CCDC88B: variants seen among roughly 807,000 people sequenced by gnomAD.
The protein encoded by CCDC88B is coiled-coil domain-containing protein 88B.
Under a neutral mutation model 183.7 loss-of-function variants are expected in CCDC88B, and 138 were observed. That is an observed-to-expected ratio of 0.75 (90% CI 0.65 to 0.87). The LOEUF is 0.87. Ranked by LOEUF, CCDC88B falls within the 40% of genes least tolerant of loss-of-function variation. CCDC88B has a pLI of 0.00. For synonymous variants in CCDC88B, 835 were observed against 867.5 expected (o/e 0.96, Z 0.66); for missense variants, 1,822 against 1,965.6 (o/e 0.93, Z 1.38).
chr11:64,353,688 C>T, intron 22 of CCDC88B, 27 bp from the exon 23 acceptor site: 1 of 1,612,730 alleles, frequency 6.2e-7, no homozygotes, highest in African/African-American at 1.3e-5. Flanking sequence ...GGCCTCACAC[C>T]CACCTCTCCC....
chr11:64,343,392 G>A (rs1284337067), intron 11 of CCDC88B, 67 bp downstream of exon 11: 1 of 1,540,182 alleles, frequency 6.5e-7, no homozygotes, highest in Non-Finnish European at 8.8e-7. Flanking sequence ...ATTCCCTAGT[G>A]GTCCCTAGTG....
At position 64,351,345 on chromosome 11, in the gene CCDC88B, G is replaced by A. The variant is rs537755025; in HGVS notation, c.2958+90G>A. ...TGGACCCTGGGCTGGGGGGTATCCC[G>A]TGCAGTGTGAGTGTGGACTCACAGT... is the stretch of plus-strand genomic sequence containing the variant. On this transcript the variant is annotated intron_variant, in intron 17 of 26. Transcript: ENST00000356786. The A allele has an allele frequency of 1.0e-4, 152 of 1,510,428 alleles. No individual in the cohort carries two copies. In the African/African-American group the frequency reaches 1.7e-3, roughly 17 times the overall value. 93.6% of individuals were successfully genotyped at this position (1,510,428 alleles called of 1,614,324 possible).
At chr11:64,349,881 A>C in intron 16 of CCDC88B, 1 of 598,302 alleles carries the variant, frequency 1.7e-6, no homozygotes, top group Non-Finnish European at 3.0e-6. Context: ...CCCATTCTGC[A>C]CATGGACAGA....
At chr11:64,348,456 G>A (rs540336625) in intron 14 of CCDC88B, among the ~76,000 whole-genome samples, 1 of 152,132 alleles carries the variant, frequency 6.6e-6, no homozygotes, top group African/African-American at 2.4e-5. Flanking sequence ...TCTATTCACC[G>A]TGCCTCCTAC....
At chr11:64,341,211 C>T (rs1008150967) in intron 4 of CCDC88B, 33 bp downstream of exon 4, 22 of 1,613,880 alleles carry the variant, frequency 1.4e-5, no homozygotes, top group African/African-American at 2.7e-5. Context: ...CCTGCCTCTG[C>T]CCCCGCACTA....
At chr11:64,356,038 T>C (rs2036536722) in intron 26 of CCDC88B, 1 of 149,202 alleles carries the variant, frequency 6.7e-6, no homozygotes, top group Non-Finnish European at 1.5e-5. Flanking sequence ...TTTTTTGAGA[T>C]GGAATTTCAC....
intron 4 of CCDC88B, 46 bp downstream of exon 4, chr11:64,341,224 C>G: frequency 6.2e-7 from 1 of 1,614,092 alleles, no homozygotes; most frequent in Non-Finnish European, 8.5e-7. Flanking sequence ...CCGCACTACT[C>G]TACCTTCCCC....
chr11:64,355,198 C>G lies in CCDC88B; in HGVS notation c.4104C>G (p.Ser1368=). The G allele has an allele frequency of 6.7e-7, 1 of 1,487,554 alleles. No individual in the cohort carries two copies. The allele number at this position is 1,487,554 out of a possible 1,614,324, so 92.1% of individuals were successfully genotyped here. ...CCCTGCATGTACCTCTTGCAGGGTC[C>G]CCTTCCCCGGCACCCATGCGCCGGG... ...PEGREADGTG[S]PSPAPMRRAQ... The change falls in exon 25 of 27, where the codon TCC becomes TCG. Residue 1368 remains serine, a synonymous_variant. Coordinates refer to ENST00000356786, the MANE Select transcript of CCDC88B (RefSeq NM_032251.6).
At chr11:64,348,731 G>A in intron 14 of CCDC88B, 1 of 451,354 alleles carries the variant, frequency 2.2e-6, no homozygotes, top group Non-Finnish European at 3.9e-6. Flanking sequence ...GTGGCAGAAT[G>A]GTTTGGTCTC....
At chr11:64,348,347 T>C (rs2036197083) in intron 14 of CCDC88B, among the ~76,000 whole-genome samples, 1 of 139,206 alleles carries the variant, frequency 7.2e-6, no homozygotes, top group Non-Finnish European at 1.5e-5. Context: ...TCTCAGGTTG[T>C]CCACTGGGTG....
intron 14 of CCDC88B, 21 bp downstream of exon 14, chr11:64,345,178 C>T (rs1287582664): frequency 2.0e-6 from 3 of 1,534,144 alleles, no homozygotes; most frequent in Non-Finnish European, 1.7e-6. Context: ...TTGGGGCTCA[C>T]CGCTGGGGTT....
intron 16 of CCDC88B, 145 bp downstream of exon 16, chr11:64,349,813 AG>A: frequency 1.4e-6 from 1 of 728,942 alleles, no homozygotes; most frequent in South Asian, 1.7e-5. Context: ...GGCCTGTTGG[AG>A]AGAGCACTGT....
At chr11:64,353,883 C>G (rs2036440111) in intron 23 of CCDC88B, 70 bp downstream of exon 23, 2 of 1,595,638 alleles carry the variant, frequency 1.3e-6, no homozygotes, top group South Asian at 2.2e-5. Context: ...GGCCTCTGAC[C>G]CCAGGCCCAG....
In CCDC88B at chr11:64,348,694, G is replaced by A. The variant is rs1037582634; in HGVS notation, c.2617-637G>A. The A allele has an allele frequency of 1.9e-5, 8 of 410,644 alleles. No homozygotes were observed. The South Asian group carries it at 2.0e-4, about 10-fold the overall frequency. 25.4% of individuals were successfully genotyped at this position (410,644 alleles called of 1,614,324 possible). A position where few individuals can be genotyped will look rare whatever the true frequency, so the allele number is the denominator to read the frequency against. On this transcript the variant is annotated intron_variant, in intron 14 of 26. Coordinates refer to ENST00000356786, the MANE Select transcript of CCDC88B (RefSeq NM_032251.6). Reference sequence around the variant, plus strand: ...CAGCTGGTCATGGGCAGCTGTCCCCGAAGCTTCATCCTGCCAGGCCCCCCA... The same window carrying A: ...CAGCTGGTCATGGGCAGCTGTCCCCAAAGCTTCATCCTGCCAGGCCCCCCA...
rs2036443015 is a variant in CCDC88B at position 64,353,984 on chromosome 11, T to C, written c.3933-20T>C. ...CCCTCCTCCCTGTCCTGACCCCCTC[T>C]TGTGCCCTCTTGCCCCCAGGAAGGG... is the stretch of plus-strand genomic sequence containing the variant. On this transcript the variant is annotated intron_variant, in intron 23 of 26. Coordinates refer to ENST00000356786, the MANE Select transcript of CCDC88B (RefSeq NM_032251.6). 6.6e-7 allele frequency: 1 copy of C among 1,510,352 alleles called. No homozygotes were observed. 93.6% of individuals were successfully genotyped at this position (1,510,352 alleles called of 1,614,324 possible).
chr11:64,353,572 C>T, intron 22 of CCDC88B, 76 bp downstream of exon 22: 1 of 1,581,050 alleles, frequency 6.3e-7, no homozygotes, highest in Non-Finnish European at 8.6e-7. Context: ...TTAGTGAGGG[C>T]CTAGGGACAG....
At chr11:64,356,648 A>C in intron 26 of CCDC88B, 1 of 272,410 alleles carries the variant, frequency 3.7e-6, no homozygotes, top group South Asian at 1.2e-4. Context: ...TCACCTACTT[A>C]GCTCCGCCCT....
chr11:64,354,694 C>CT (rs1411083884), intron 24 of CCDC88B, among the ~76,000 whole-genome samples: 1 of 53,290 alleles, frequency 1.9e-5, no homozygotes, highest in Non-Finnish European at 4.6e-5. Context: ...AGCCTCCGCC[C>CT]CCCCCCTCTG....
rs779025171 is a variant in CCDC88B, at chr11:64,357,195, G to A, written c.*101G>A. On this transcript the variant is annotated 3_prime_UTR_variant, in exon 27 of 27. Coordinates refer to ENST00000356786, the MANE Select transcript of CCDC88B (RefSeq NM_032251.6). ...GAGCTCAGGGAGCCAGGGACCCCAA[G>A]GGGAGTCCTTGGACAAGGAGGCCTG... The A allele has an allele frequency of 5.6e-6, 8 of 1,416,138 alleles. No homozygotes were observed. Among genetic ancestry groups the A allele is most frequent in the African/African-American group, 1.4e-5 (1 of 71,042 alleles). The allele number at this position is 1,416,138 out of a possible 1,614,324, so 87.7% of individuals were successfully genotyped here.
Sources: gnomAD v4.1 joint callset for allele counts (sites outside exome capture counted in the v4.1 genomes callset) on GRCh38, gnomAD v4.1.1 for gene constraint, MANE v1.5 for transcripts, NCBI Gene and HGNC (gene_info 2026-07-23, HGNC 2026-07-21) for gene names.